The following TSPAN33 variants were observed in gnomAD, a reference collection of about 807,000 sequenced individuals.
The protein encoded by TSPAN33 is tetraspanin 33.
TSPAN33 carries 27 observed loss-of-function variants against 34.8 expected under a neutral mutation model. That is an observed-to-expected ratio of 0.78 (90% CI 0.57 to 1.07). The LOEUF (loss-of-function observed/expected upper bound fraction) is 1.07. TSPAN33 is among the 50% of genes least tolerant of loss of function. The pLI, the probability that TSPAN33 is intolerant of heterozygous loss-of-function variation, is 0.00. For missense variants in TSPAN33, 272 were observed against 324.9 expected (o/e 0.84, Z 1.25); for synonymous variants, 119 against 124.2 (o/e 0.96, Z 0.28).
At chr7:129,145,105 C>T in intron 1 of TSPAN33, 23 bp downstream of exon 1, 1 of 673,928 alleles carries the variant, frequency 1.5e-6, no homozygotes, top group Non-Finnish European at 2.7e-6. Flanking sequence ...GTCGAGGGCA[C>T]CTGGGCGGCG....
At chr7:129,154,684 T>C (rs1447385080) in intron 1 of TSPAN33, among the ~76,000 whole-genome samples, 1 of 152,182 alleles carries the variant, frequency 6.6e-6, no homozygotes, top group Non-Finnish European at 1.5e-5. Context: ...GAGGTTGCAG[T>C]AAGCCGAGAT....
intron 1 of TSPAN33, among the ~76,000 whole-genome samples, chr7:129,156,316 C>T (rs1249821948): frequency 6.6e-6 from 1 of 152,162 alleles, no homozygotes; most frequent in African/African-American, 2.4e-5. Flanking sequence ...ATGTTGGCCT[C>T]GATCGCCTGG....
Position 129,164,522 on chromosome 7 carries a change from C to A in TSPAN33, c.412C>A (p.Arg138=), listed in dbSNP as rs753717547. 3 of 1,614,046 alleles carry A rather than the reference C, an allele frequency of 1.9e-6. No individual in the cohort carries two copies. The highest frequency in any genetic ancestry group is 2.5e-6 in the Non-Finnish European group (3 of 1,180,002). Reference sequence around the variant, plus strand: ...CATCAACAATGCCATTGTGCACTACCGAGATGACTTGGATCTGCAGAACCT... The same window carrying A: ...CATCAACAATGCCATTGTGCACTACAGAGATGACTTGGATCTGCAGAACCT... The part of the protein sequence containing the change: ...EIINNAIVHY[R]DDLDLQNLID... The change falls in exon 5 of 8, where the codon CGA becomes AGA. Residue 138 remains arginine (R), a synonymous_variant. Coordinates refer to ENST00000486685, the MANE Select transcript of TSPAN33 (RefSeq NM_178562.5).
At chr7:129,161,854 G>T (rs1457451967) in intron 2 of TSPAN33, 118 bp downstream of exon 2, 31 of 1,292,626 alleles carry the variant, frequency 2.4e-5, no homozygotes, top group Non-Finnish European at 2.5e-5. Flanking sequence ...CCTCCCTGGA[G>T]CCAAATCTTC....
At chr7:129,162,256 C>T (rs911863424) in intron 2 of TSPAN33, 138 bp from the exon 3 acceptor site, 14 of 1,311,908 alleles carry the variant, frequency 1.1e-5, no homozygotes, top group Admixed American at 4.0e-5. Context: ...AGGGGTACTG[C>T]CTCCCCTTAA....
rs527834624 is a variant in TSPAN33 at position 129,148,665 on chromosome 7, C to A, written c.102+3583C>A. 6.6e-6 allele frequency among the ~76,000 whole-genome samples: 1 copy of A among 152,276 alleles called. No homozygotes were observed. Among genetic ancestry groups the A allele is most frequent in the East Asian group, 1.9e-4 (1 of 5,182 alleles). ...GCGGCCTGGCAACCCTCCACTTAAGCCAGGTCAGAAACATGGCAGCCATCC... is the reference window on the plus strand; with the variant it reads ...GCGGCCTGGCAACCCTCCACTTAAGACAGGTCAGAAACATGGCAGCCATCC... On this transcript the variant is annotated intron_variant, in intron 1 of 7. Transcript: ENST00000486685. The surrounding 1 kb of genome is among the most constrained non-coding windows in gnomAD (Gnocchi z 4.2).
intron 5 of TSPAN33, 129 bp from the exon 6 acceptor site, chr7:129,166,649 C>A (rs942601533): frequency 2.8e-5 from 31 of 1,124,252 alleles, no homozygotes; most frequent in Non-Finnish European, 3.4e-5. Flanking sequence ...AAGTTTAAGG[C>A]TGTGTTAAAA....
intron 1 of TSPAN33, among the ~76,000 whole-genome samples, chr7:129,155,590 T>C (rs974390373): frequency 1.3e-5 from 2 of 152,224 alleles, no homozygotes; most frequent in African/African-American, 4.8e-5. Context: ...TTCCCTGTTA[T>C]TAACACATTA....
intron 1 of TSPAN33, among the ~76,000 whole-genome samples, chr7:129,158,500 C>G (rs1376169925): frequency 6.6e-6 from 1 of 152,018 alleles, no homozygotes; most frequent in Non-Finnish European, 1.5e-5. Context: ...ATTTCATAAC[C>G]CAGGTAATAA....
chr7:129,149,950 C>T (rs1197771349), intron 1 of TSPAN33, among the ~76,000 whole-genome samples: 1 of 152,234 alleles, frequency 6.6e-6, no homozygotes, highest in Non-Finnish European at 1.5e-5. Context: ...TCCGGGGCCA[C>T]AGGCTGAAAG....
At chr7:129,156,835 G>A (rs529689996) in intron 1 of TSPAN33, among the ~76,000 whole-genome samples, 34 of 152,222 alleles carry the variant, frequency 2.2e-4, no homozygotes, top group Non-Finnish European at 4.6e-4. Context: ...CCCAGGGGAT[G>A]GCTATTTTCA....
chr7:129,166,983 G>T, intron 6 of TSPAN33, 77 bp downstream of exon 6: 1 of 1,530,588 alleles, frequency 6.5e-7, no homozygotes, highest in Non-Finnish European at 8.9e-7. Context: ...TGCTACTGGG[G>T]ATCCCCATCC....
At position 129,167,019 on chromosome 7, in the gene TSPAN33, G is replaced by C. The variant is rs1793152563; in HGVS notation, c.588+113G>C. 4 of 1,307,722 alleles carry C rather than the reference G, an allele frequency of 3.1e-6. No homozygotes were observed. Among genetic ancestry groups the C allele is most frequent in the Non-Finnish European group, 4.2e-6 (4 of 946,730 alleles). The allele number at this position is 1,307,722 out of a possible 1,614,324, so 81.0% of individuals were successfully genotyped here. A position where few individuals can be genotyped will look rare whatever the true frequency, so the allele number is the denominator to read the frequency against. The stretch of plus-strand genomic sequence containing the variant: ...CCTAGCTTCACCGATCAGTCATGTG[G>C]GACAGCTGTCAGGTGTTTTTCTTCA... On this transcript the variant is annotated intron_variant, in intron 6 of 7. Coordinates refer to ENST00000486685, the MANE Select transcript of TSPAN33 (RefSeq NM_178562.5). This position sits in a 1 kb window ranked among gnomAD's most constrained non-coding sequence, Gnocchi z 4.6.
rs367886434 is a variant in TSPAN33 at position 129,162,920 on chromosome 7, G to A, written c.363+13G>A. The A allele has an allele frequency of 2.9e-5, 47 of 1,612,950 alleles. No individual in the cohort carries two copies. Among genetic ancestry groups the A allele is most frequent in the Non-Finnish European group, 3.8e-5 (45 of 1,179,504 alleles). On this transcript the variant is annotated intron_variant, in intron 4 of 7. Coordinates refer to ENST00000486685, the MANE Select transcript of TSPAN33 (RefSeq NM_178562.5). ...CTTCTCAGACAAGGTAACACTGGGAGCCAGGAGGCCTCCTCAGGTGTGACC... is the reference window on the plus strand; with the variant it reads ...CTTCTCAGACAAGGTAACACTGGGAACCAGGAGGCCTCCTCAGGTGTGACC...
Position 129,148,943 on chromosome 7 carries a change from C to G in TSPAN33, c.102+3861C>G, listed in dbSNP as rs1179142043. On this transcript the variant is annotated intron_variant, in intron 1 of 7. Transcript: ENST00000486685. The surrounding 1 kb of genome is among the most constrained non-coding windows in gnomAD (Gnocchi z 4.2). ...AAACCATGAGGAAGTAACCAGGCAT[C>G]AAGCCAGGCAAAAACCTCTTCTAAG... 6.6e-6 allele frequency among the ~76,000 whole-genome samples: 1 copy of G among 152,124 alleles called. No individual in the cohort carries two copies. The highest frequency in any genetic ancestry group is 2.4e-5 in the African/African-American group (1 of 41,414).
In TSPAN33 at chr7:129,167,979, C is replaced by G. The variant is rs982093482; in HGVS notation, c.*105C>G. 1 of 1,500,174 alleles carries G rather than the reference C, an allele frequency of 6.7e-7. No individual in the cohort carries two copies. Among genetic ancestry groups the G allele is most frequent in the African/African-American group, 1.4e-5 (1 of 72,280 alleles). 92.9% of individuals were successfully genotyped at this position (1,500,174 alleles called of 1,614,324 possible). A position where few individuals can be genotyped will look rare whatever the true frequency, so the allele number is the denominator to read the frequency against. The stretch of plus-strand genomic sequence containing the variant: ...AATGGAGATTTGGATTCCAGCCCCC[C>G]AGTGACAGCCCAGTGGGAAGAAGCA... On this transcript the variant is annotated 3_prime_UTR_variant, in exon 8 of 8. Transcript: ENST00000486685. The surrounding 1 kb of genome is among the most constrained non-coding windows in gnomAD (Gnocchi z 4.6).
At chr7:129,164,796 G>T in intron 5 of TSPAN33, 1 of 456,568 alleles carries the variant, frequency 2.2e-6, no homozygotes, top group South Asian at 2.3e-5. Flanking sequence ...ACCTACAGGG[G>T]GTGAGGAACT....
In TSPAN33 at chr7:129,165,036, T is replaced by C. The variant is rs910627486; in HGVS notation, c.459+467T>C. 1.3e-5 allele frequency: 2 copies of C among 158,778 alleles called. No homozygotes were observed. The highest frequency in any genetic ancestry group is 4.8e-5 in the African/African-American group (2 of 41,540). 9.8% of individuals were successfully genotyped at this position (158,778 alleles called of 1,614,324 possible). On this transcript the variant is annotated intron_variant, in intron 5 of 7. Transcript: ENST00000486685. This position sits in a 1 kb window ranked among gnomAD's most constrained non-coding sequence, Gnocchi z 4.5. ...AATTTACCATTTTTAAGCATACAGA[T>C]CCGTGGCATGAAGTACCTTCAATTG... is the stretch of plus-strand genomic sequence containing the variant.
chr7:129,153,004 G>A (rs1325723734), intron 1 of TSPAN33, among the ~76,000 whole-genome samples: 2 of 137,716 alleles, frequency 1.5e-5, no homozygotes, highest in Non-Finnish European at 3.0e-5. Context: ...GTTGCAGTGA[G>A]CCGGAGATTG....
Sources: allele counts gnomAD v4.1 joint callset (sites outside exome capture counted in the v4.1 genomes callset), GRCh38; gene constraint gnomAD v4.1.1; non-coding constraint Gnocchi (gnomAD v3.1); transcripts MANE v1.5; gene names NCBI Gene and HGNC (gene_info 2026-07-23, HGNC 2026-07-21).